FANCC: variants seen among roughly 807,000 people sequenced by gnomAD.
FANCC encodes FA complementation group C.
Under a neutral mutation model 71.3 loss-of-function variants are expected in FANCC, and 55 were observed. The ratio of observed to expected loss-of-function variants is 0.77; its 90% CI spans 0.62 to 0.97. The LOEUF is 0.97. Among genes scored for constraint, FANCC ranks in the 50% least tolerant of loss-of-function variants. The probability of loss-of-function intolerance (pLI) is 0.00; values close to 1 mark genes in which losing one functional copy is unlikely to be tolerated. For missense variants in FANCC, 678 were observed against 670.9 expected, an observed-to-expected ratio of 1.01 and a Z score of -0.12; for synonymous variants, 275 against 244.9, an observed-to-expected ratio of 1.12 and a Z score of -1.15.
chr9:95,130,188 GATT>G (rs1826673143), intron 8 of FANCC, among the ~76,000 whole-genome samples: 1 of 152,030 alleles, frequency 6.6e-6, no homozygotes, highest in Non-Finnish European at 1.5e-5. Context: ...ACTCACCAAT[GATT>G]ATTACAAGCC....
chr9:95,267,380 C>T (rs1039235532), intron 1 of FANCC, among the ~76,000 whole-genome samples: 12 of 152,100 alleles, frequency 7.9e-5, no homozygotes, highest in African/African-American at 2.9e-4. Flanking sequence ...AACTAAGCCC[C>T]CACTGTGAAA....
intron 4 of FANCC, among the ~76,000 whole-genome samples, chr9:95,209,216 G>A (rs898414735): frequency 1.3e-5 from 2 of 152,210 alleles, no homozygotes; most frequent in Non-Finnish European, 2.9e-5. Flanking sequence ...GGCTGCTAGG[G>A]ATTAGGGAGA....
intron 1 of FANCC, chr9:95,293,887 A>G: frequency 6.2e-7 from 1 of 1,604,254 alleles, no homozygotes; most frequent in East Asian, 2.2e-5. Flanking sequence ...ATGTGCAGAG[A>G]CATTTTTGAG....
intron 7 of FANCC, among the ~76,000 whole-genome samples, chr9:95,136,226 C>G (rs1474356948): frequency 6.6e-6 from 1 of 151,150 alleles, no homozygotes; most frequent in African/African-American, 2.4e-5. Context: ...CCTGCTTCTA[C>G]AAAAAAAAAT....
At chr9:95,237,903 C>T (rs891824185) in intron 4 of FANCC, among the ~76,000 whole-genome samples, 6 of 152,166 alleles carry the variant, frequency 3.9e-5, no homozygotes, top group African/African-American at 1.4e-4. Context: ...TTGGAATATA[C>T]TGAATTAGGT....
At chr9:95,246,688 G>A (rs1186223459) in intron 3 of FANCC, among the ~76,000 whole-genome samples, 1 of 152,138 alleles carries the variant, frequency 6.6e-6, no homozygotes, top group Non-Finnish European at 1.5e-5. Flanking sequence ...GGAGGCCATG[G>A]AGACACTCCC....
chr9:95,192,614 T>C (rs1224288571), intron 4 of FANCC, among the ~76,000 whole-genome samples: 2 of 152,234 alleles, frequency 1.3e-5, no homozygotes, highest in Non-Finnish European at 2.9e-5. Context: ...AAATGTCCCT[T>C]TAAAAACAGT....
rs544354429 is a variant in FANCC at position 95,099,767 on chromosome 9, G to A, written c.*1940C>T. The A allele has an allele frequency of 6.9e-5, 16 of 232,428 alleles. No individual in the cohort carries two copies. In the South Asian group the frequency reaches 1.4e-3, roughly 21 times the overall value. The allele number at this position is 232,428 out of a possible 1,614,324, so 14.4% of individuals were successfully genotyped here. ...CTCCACCGCACCCGTGAGAGGACTC[G>A]GCAGCTGTGAAGGAACTGGGAGATT... is the stretch of plus-strand genomic sequence containing the variant. On this transcript the variant is annotated 3_prime_UTR_variant, in exon 15 of 15. Coordinates refer to ENST00000289081, the MANE Select transcript of FANCC (RefSeq NM_000136.3).
intron 6 of FANCC, among the ~76,000 whole-genome samples, chr9:95,165,771 T>C (rs922689262): frequency 1.3e-5 from 2 of 152,102 alleles, no homozygotes; most frequent in Admixed American, 1.3e-4. Flanking sequence ...GGGTAGAATG[T>C]TCTCTATATG....
At chr9:95,250,936 C>T (rs531733469) in intron 1 of FANCC, among the ~76,000 whole-genome samples, 1 of 152,332 alleles carries the variant, frequency 6.6e-6, no homozygotes, top group Non-Finnish European at 1.5e-5. Context: ...CTTAAACTCC[C>T]CGTAGATACT....
rs1214769271 is a variant in FANCC, at chr9:95,317,545, C to G, written c.-98G>C. On this transcript the variant is annotated 5_prime_UTR_variant, in exon 1 of 15. Transcript: ENST00000289081. ...GCTTACCGGGTGGTCCTCGCGGGAG[C>G]TGCTTCAGCAGTTTGGGCAGTGGCG... 4 of 152,306 alleles carry G rather than the reference C, an allele frequency of 2.6e-5. No individual in the cohort carries two copies. The highest frequency in any genetic ancestry group is 4.8e-5 in the African/African-American group (2 of 41,470). 9.4% of individuals were successfully genotyped at this position (152,306 alleles called of 1,614,324 possible).
intron 7 of FANCC, among the ~76,000 whole-genome samples, chr9:95,148,214 A>G (rs1237085867): frequency 6.6e-6 from 1 of 152,250 alleles, no homozygotes; most frequent in Non-Finnish European, 1.5e-5. Flanking sequence ...TTTAAAAAAG[A>G]ATTCTGTACG....
rs118115938 is a variant in FANCC at position 95,138,489 on chromosome 9, C to G, written c.687-2987G>C. 3.3e-3 allele frequency among the ~76,000 whole-genome samples: 506 copies of G among 152,284 alleles called. 9 individuals carry two copies. The East Asian group carries it at 0.043, about 13-fold the overall frequency. On this transcript the variant is annotated intron_variant, in intron 7 of 14. Coordinates refer to ENST00000289081, the MANE Select transcript of FANCC (RefSeq NM_000136.3). The stretch of plus-strand genomic sequence containing the variant: ...GGTGCTCGTAGCTTCCATCATGGAG[C>G]CAGGAAGCTCTGAATAGGAGAGTTC...
chr9:95,173,606 C>T (rs914938785), intron 4 of FANCC, among the ~76,000 whole-genome samples: 4 of 152,168 alleles, frequency 2.6e-5, no homozygotes, highest in Admixed American at 2.6e-4. Context: ...TAGTGGCTCA[C>T]TGTAAGCCAC....
At chr9:95,182,214 A>T (rs1279791496) in intron 4 of FANCC, among the ~76,000 whole-genome samples, 4 of 151,572 alleles carry the variant, frequency 2.6e-5, no homozygotes, top group Non-Finnish European at 5.9e-5. Flanking sequence ...TTTATACAAA[A>T]TATACAAAAA....
intron 4 of FANCC, among the ~76,000 whole-genome samples, chr9:95,236,261 T>C (rs1216346333): frequency 2.0e-5 from 3 of 152,182 alleles, no homozygotes; most frequent in Non-Finnish European, 4.4e-5. Flanking sequence ...ACCTTCCCCA[T>C]CTATTGTAGC....
chr9:95,179,629 G>T (rs972127065), intron 4 of FANCC, among the ~76,000 whole-genome samples: 16 of 152,224 alleles, frequency 1.1e-4, no homozygotes, highest in African/African-American at 3.9e-4. Flanking sequence ...TTACAGGTGT[G>T]AGCCACCATG....
Position 95,099,684 on chromosome 9 carries a change from G to C in FANCC, c.*2023C>G, listed in dbSNP as rs1357275600. 4.3e-6 allele frequency: 1 copy of C among 231,994 alleles called. No individual in the cohort carries two copies. The highest frequency in any genetic ancestry group is 2.2e-5 in the African/African-American group (1 of 45,208). The allele number at this position is 231,994 out of a possible 1,614,324, so 14.4% of individuals were successfully genotyped here. A position where few individuals can be genotyped will look rare whatever the true frequency, so the allele number is the denominator to read the frequency against. On this transcript the variant is annotated 3_prime_UTR_variant, in exon 15 of 15. Coordinates refer to ENST00000289081, the MANE Select transcript of FANCC (RefSeq NM_000136.3). The stretch of plus-strand genomic sequence containing the variant: ...CACTTCAGTGCCACGTCCCCAGAGG[G>C]ACAGTCCTCCCACCCAGGAACCCCT...
chr9:95,272,336 T>C (rs1251869208), intron 1 of FANCC, among the ~76,000 whole-genome samples: 1 of 152,088 alleles, frequency 6.6e-6, no homozygotes, highest in Non-Finnish European at 1.5e-5. Flanking sequence ...TAATAAAAAG[T>C]TTTCATTGCT....
Sources: gnomAD v4.1 joint callset for allele counts (sites outside exome capture counted in the v4.1 genomes callset) on GRCh38, gnomAD v4.1.1 for gene constraint, MANE v1.5 for transcripts, NCBI Gene and HGNC (gene_info 2026-07-23, HGNC 2026-07-21) for gene names.